Variants in COL5A3 observed in about 807,000 individuals in gnomAD.
The protein encoded by COL5A3 is collagen alpha-3(V) chain.
A neutral mutation model predicts 250.0 loss-of-function variants in COL5A3; 172 were observed. The observed-to-expected ratio is 0.69, with a 90% CI of 0.61 to 0.78. The LOEUF is 0.78. Ranked by LOEUF, COL5A3 falls within the 30% of genes least tolerant of loss-of-function variation. COL5A3 has a pLI of 0.00. For synonymous variants in COL5A3, 937 were observed against 900.4 expected (o/e 1.04, Z -0.73); for missense variants, 2,340 against 2,334.4 (o/e 1.00, Z -0.05).
Position 10,005,781 on chromosome 19 carries a change from T to A in COL5A3, c.437+15A>T. On this transcript the variant is annotated intron_variant, in intron 3 of 66. Transcript: ENST00000264828. Reference sequence around the variant, plus strand: ...CCCTTATCCACGGACCCCCGCCCACTCTCCCCATGCTCACCTGCCATCTGT... The same window carrying A: ...CCCTTATCCACGGACCCCCGCCCACACTCCCCATGCTCACCTGCCATCTGT... The A allele has an allele frequency of 6.2e-7, 1 of 1,603,216 alleles. No homozygotes were observed. Among genetic ancestry groups the A allele is most frequent in the Non-Finnish European group, 8.5e-7 (1 of 1,172,702 alleles).
At chr19:9,994,928 T>C (rs1174967992) in intron 16 of COL5A3, among the ~76,000 whole-genome samples, 1 of 152,016 alleles carries the variant, frequency 6.6e-6, no homozygotes, top group African/African-American at 2.4e-5. Flanking sequence ...ATTATTATTA[T>C]TATTTTTTGA....
chr19:9,992,142 G>T (rs2087203219), intron 21 of COL5A3, 94 bp from the exon 22 acceptor site: 1 of 1,081,462 alleles, frequency 9.2e-7, no homozygotes, highest in African/African-American at 1.5e-5. Flanking sequence ...GGTGAGCAGG[G>T]CCGGGCACTG....
chr19:9,969,227 C>T (rs1170801046), intron 57 of COL5A3, 122 bp downstream of exon 57: 13 of 811,692 alleles, frequency 1.6e-5, no homozygotes, highest in Non-Finnish European at 2.4e-5. Flanking sequence ...TAGAGACAGG[C>T]AGTATGGACA....
Position 10,006,181 on chromosome 19 carries a change from C to T in COL5A3, c.139G>A (p.Val47Ile), listed in dbSNP as rs1416142923. The change falls in exon 2 of 67, where the codon GTC becomes ATC. Residue 47 changes from valine (V) to isoleucine (I), a missense_variant. Physicochemically the swap from Val to Ile is conservative, Grantham distance 29. This residue lies in a region of COL5A3 where 1,152 missense variants were observed against 1,146.3 expected (regional missense o/e 1.00). Coordinates refer to ENST00000264828, the MANE Select transcript of COL5A3 (RefSeq NM_015719.4). Reference sequence around the variant, plus strand: ...GGACAGAAGCCAGGCCCCTCGGGGACCCCAGCCTGGCCTCCCTGCACACCC... The same window carrying T: ...GGACAGAAGCCAGGCCCCTCGGGGATCCCAGCCTGGCCTCCCTGCACACCC... The part of the protein sequence containing the change: ...ALGVQGGQAG[V>I]PEGPGFCPQR... The T allele has an allele frequency of 1.2e-6, 2 of 1,607,884 alleles. No individual in the cohort carries two copies. The highest frequency in any genetic ancestry group is 1.7e-6 in the Non-Finnish European group (2 of 1,177,358).
At chr19:9,961,446 C>A (rs1386905782) in intron 65 of COL5A3, among the ~76,000 whole-genome samples, 3 of 151,902 alleles carry the variant, frequency 2.0e-5, no homozygotes, top group Non-Finnish European at 4.4e-5. Context: ...CTCATTCCAG[C>A]CTCCATCTCC....
intron 44 of COL5A3, among the ~76,000 whole-genome samples, chr19:9,976,869 T>C (rs1246062356): frequency 6.6e-6 from 1 of 151,942 alleles, no homozygotes; most frequent in Non-Finnish European, 1.5e-5. Flanking sequence ...TGCAAGCCAC[T>C]GGAGCTGACA....
chr19:10,003,364 A>G (rs2087391297), intron 6 of COL5A3, among the ~76,000 whole-genome samples: 1 of 151,058 alleles, frequency 6.6e-6, no homozygotes, highest in Admixed American at 6.6e-5. Context: ...CCACCCTGTT[A>G]TCAGTCACCC....
At position 9,982,074 on chromosome 19, in the gene COL5A3, T is replaced by C; in HGVS notation, c.2451A>G (p.Lys817=). Residue 817 remains lysine, a synonymous_variant, in exon 32 of 67, where the codon AAA becomes AAG. Coordinates refer to ENST00000264828, the MANE Select transcript of COL5A3 (RefSeq NM_015719.4). ...CCCGGTCATGACTCACCGACTTCCC[T>C]TTCTCTCCTATGGGTCCCAGGGGAC... ...FPGPLGPIGE[K]GKSGKTGQPG... 6.2e-7 allele frequency: 1 copy of C among 1,610,470 alleles called. No homozygotes were observed. Among genetic ancestry groups the C allele is most frequent in the Non-Finnish European group, 8.5e-7 (1 of 1,177,840 alleles).
chr19:9,995,073 A>G (rs921954380), intron 16 of COL5A3, among the ~76,000 whole-genome samples: 28 of 151,944 alleles, frequency 1.8e-4, no homozygotes, highest in Non-Finnish European at 4.1e-4. Context: ...ATGCCCGGCT[A>G]ATTTTTGTAT....
In COL5A3 at chr19:9,967,417, C is replaced by T. The variant is rs1362889280; in HGVS notation, c.4405-17G>A. 6.7e-7 allele frequency: 1 copy of T among 1,501,418 alleles called. No individual in the cohort carries two copies. The highest frequency in any genetic ancestry group is 8.8e-7 in the Non-Finnish European group (1 of 1,132,458). 93.0% of individuals were successfully genotyped at this position (1,501,418 alleles called of 1,614,324 possible). On this transcript the variant is annotated splice_polypyrimidine_tract_variant and intron_variant, in intron 61 of 66. Coordinates refer to ENST00000264828, the MANE Select transcript of COL5A3 (RefSeq NM_015719.4). Reference sequence around the variant, plus strand: ...CATGGACCCCTGTAGGGAGAAGTCACTTGGAGAATGAACCCTGTCTATGGA... The same window carrying T: ...CATGGACCCCTGTAGGGAGAAGTCATTTGGAGAATGAACCCTGTCTATGGA...
At chr19:9,984,595 C>T (rs2087068375) in intron 31 of COL5A3, among the ~76,000 whole-genome samples, 1 of 152,090 alleles carries the variant, frequency 6.6e-6, no homozygotes, top group Non-Finnish European at 1.5e-5. Context: ...CTTAATCACA[C>T]CAAATAAAAG....
chr19:9,962,338 C>A (rs1216558754), intron 65 of COL5A3, among the ~76,000 whole-genome samples: 1 of 152,182 alleles, frequency 6.6e-6, no homozygotes, highest in South Asian at 2.1e-4. Context: ...GAACTCCTGA[C>A]CTCAGGTGAT....
chr19:9,985,858 C>A lies in COL5A3; in HGVS notation c.2390G>T (p.Gly797Val). ...LGVPGLPGYP[G>V]RPGPKGSIGF... is the part of the protein sequence containing the mutation. ...GCTTCCTACCTTAGGTCCAGGGCGT[C>A]CTGGATAACCTGGGAGGCCTGGCAC... The change falls in exon 31 of 67, where the codon GGA becomes GTA. Residue 797 changes from glycine (G) to valine (V), a missense_variant. Physicochemically the swap from Gly to Val is moderately radical, Grantham distance 109. This residue lies in a region of COL5A3 where 1,152 missense variants were observed against 1,146.3 expected (regional missense o/e 1.00). Transcript: ENST00000264828. The A allele has an allele frequency of 6.2e-7, 1 of 1,613,994 alleles. No homozygotes were observed. The highest frequency in any genetic ancestry group is 8.5e-7 in the Non-Finnish European group (1 of 1,179,952).
At chr19:9,972,823 A>G in intron 51 of COL5A3, 96 bp downstream of exon 51, 2 of 818,264 alleles carry the variant, frequency 2.4e-6, no homozygotes, top group Non-Finnish European at 3.7e-6. Context: ...TGACAGAGCA[A>G]GACTCCATCT....
rs200985248 is a variant in COL5A3, at chr19:9,983,721, AAAG to A, written c.2407-1606_2407-1604del. 8.1e-3 allele frequency among the ~76,000 whole-genome samples: 1,230 copies of A among 151,174 alleles called. 27 individuals carry two copies. The highest frequency in any genetic ancestry group is 0.07 in the East Asian group (352 of 5,056). On this transcript the variant is annotated intron_variant, in intron 31 of 66. Coordinates refer to ENST00000264828, the MANE Select transcript of COL5A3 (RefSeq NM_015719.4). The stretch of plus-strand genomic sequence containing the variant: ...AGAAAGAGAAAAAAGAAGGAAAAGA[AAAG>A]AAAAAAGAGGGGGACGCAGTGAGGG...
chr19:9,969,009 GGGTCAGTGT>G (rs2086792632), intron 57 of COL5A3: 1 of 584,768 alleles, frequency 1.7e-6, no homozygotes, highest in African/African-American at 1.9e-5. Flanking sequence ...TCAAGATGAA[GGGTCAGTGT>G]GGTCAGTGTA....
At position 10,005,892 on chromosome 19, in the gene COL5A3, C is replaced by T. The variant is rs760228972; in HGVS notation, c.341G>A (p.Gly114Asp). ...CAGTGCCAGGCCCAACTGCCGGGCA[C>T]CCCTTTCATCATAAATGGACAGCAG... ...SVLLSIYDER[G>D]ARQLGLALGP... The change falls in exon 3 of 67, where the codon GGT becomes GAT. Residue 114 changes from glycine to aspartate, a missense_variant. Around this residue, in one of 3 missense-constraint regions of COL5A3, gnomAD observed 1,152 missense variants for 1,146.3 expected, o/e 1.00. Transcript: ENST00000264828. The T allele has an allele frequency of 3.1e-6, 5 of 1,613,904 alleles. No individual in the cohort carries two copies. The highest frequency in any genetic ancestry group is 3.3e-5 in the Admixed American group (2 of 60,008).
rs1262150911 is a variant in COL5A3, at chr19:9,989,519, G to A, written c.1996C>T (p.Pro666Ser). Reference sequence around the variant, plus strand: ...CCTGGAATTCCTGGGTTTCCAGGGGGACCCTGAAAGAAGATGAACAGCAGG... The same window carrying A: ...CCTGGAATTCCTGGGTTTCCAGGGGAACCCTGAAAGAAGATGAACAGCAGG... ...GLIGTPGEKG[P>S]PGNPGIPGLP... Residue 666 changes from proline (P) to serine (S), a missense_variant, in exon 25 of 67, where the codon CCC becomes TCC. This residue lies in a region of COL5A3 where 1,152 missense variants were observed against 1,146.3 expected (regional missense o/e 1.00). Coordinates refer to ENST00000264828, the MANE Select transcript of COL5A3 (RefSeq NM_015719.4). The A allele has an allele frequency of 1.2e-6, 2 of 1,611,498 alleles. No individual in the cohort carries two copies. The highest frequency in any genetic ancestry group is 1.1e-5 in the South Asian group (1 of 90,668).
Position 10,005,777 on chromosome 19 carries a change from C to A in COL5A3, c.437+19G>T. 4 of 1,602,826 alleles carry A rather than the reference C, an allele frequency of 2.5e-6. No individual in the cohort carries two copies. Among genetic ancestry groups the A allele is most frequent in the Non-Finnish European group, 2.6e-6 (3 of 1,172,480 alleles). ...CCACCCCTTATCCACGGACCCCCGC[C>A]CACTCTCCCCATGCTCACCTGCCAT... On this transcript the variant is annotated intron_variant, in intron 3 of 66. Transcript: ENST00000264828.
Sources: allele counts gnomAD v4.1 joint callset (sites outside exome capture counted in the v4.1 genomes callset), GRCh38; gene constraint gnomAD v4.1.1; regional missense constraint gnomAD v4.1.1; transcripts MANE v1.5; gene names NCBI Gene and HGNC (gene_info 2026-07-23, HGNC 2026-07-21).